The following NXPH1 variants were observed in gnomAD, a reference collection of about 807,000 sequenced individuals.
The protein encoded by NXPH1 is neurexophilin 1.
NXPH1 carries 5 observed loss-of-function variants against 23.7 expected under a neutral mutation model. That is an observed-to-expected ratio of 0.21 (90% CI 0.11 to 0.44). The LOEUF is 0.44. Ranked by LOEUF, NXPH1 falls within the 20% of genes least tolerant of loss-of-function variation. The pLI is 0.99. For missense variants in NXPH1, 324 were observed against 321.6 expected, an observed-to-expected ratio of 1.01 and a Z score of -0.06; for synonymous variants, 144 against 122.2, an observed-to-expected ratio of 1.18 and a Z score of -1.18.
chr7:8,645,429 T>C (rs1185269486), intron 2 of NXPH1, among the ~76,000 whole-genome samples: 2 of 152,118 alleles, frequency 1.3e-5, no homozygotes, highest in African/African-American at 4.8e-5. Flanking sequence ...GAACATCCTT[T>C]CATATGTTTA....
intron 2 of NXPH1, among the ~76,000 whole-genome samples, chr7:8,730,889 C>T (rs1780141017): frequency 6.6e-6 from 1 of 151,220 alleles, no homozygotes; most frequent in African/African-American, 2.4e-5. Flanking sequence ...CGTTGGCCTG[C>T]CTTGCTAGAT....
At chr7:8,706,484 T>A (rs769576177) in intron 2 of NXPH1, among the ~76,000 whole-genome samples, 1 of 152,182 alleles carries the variant, frequency 6.6e-6, no homozygotes, top group Non-Finnish European at 1.5e-5. Flanking sequence ...GGTACTTGAG[T>A]GATCCGTTTG....
chr7:8,695,218 G>GTTT (rs1562457131), intron 2 of NXPH1, among the ~76,000 whole-genome samples: 1 of 152,122 alleles, frequency 6.6e-6, no homozygotes, highest in Non-Finnish European at 1.5e-5. Context: ...AGGTCTTGGC[G>GTTT]GATGCTAGGT....
At chr7:8,702,519 A>G (rs1417328401) in intron 2 of NXPH1, among the ~76,000 whole-genome samples, 1 of 152,072 alleles carries the variant, frequency 6.6e-6, no homozygotes, top group East Asian at 1.9e-4. Flanking sequence ...GAACTATTAT[A>G]TATGTGCCTT....
chr7:8,634,833 G>A (rs752247346), intron 2 of NXPH1, among the ~76,000 whole-genome samples: 7 of 152,022 alleles, frequency 4.6e-5, no homozygotes, highest in Non-Finnish European at 7.4e-5. Flanking sequence ...CCAAATCTCT[G>A]ATAATTTCCC....
rs151016048 is a variant in NXPH1, at chr7:8,636,178, C to G, written c.55-114830C>G. Among the ~76,000 whole-genome samples the G allele has an allele frequency of 4.7e-3, 721 of 152,272 alleles. 8 individuals carry two copies. The highest frequency in any genetic ancestry group is 0.016 in the African/African-American group (680 of 41,558). ...TTTGTGCTTACATACTCAGGAGACT[C>G]TTTCACTCAATAGCCAAACTCCAGC... On this transcript the variant is annotated intron_variant, in intron 2 of 2. Coordinates refer to ENST00000405863, the MANE Select transcript of NXPH1 (RefSeq NM_152745.3).
chr7:8,654,392 G>A (rs995346815), intron 2 of NXPH1, among the ~76,000 whole-genome samples: 2 of 152,060 alleles, frequency 1.3e-5, no homozygotes, highest in Admixed American at 1.3e-4. Context: ...TTTGTAGAAG[G>A]CCACAAAGCA....
intron 2 of NXPH1, among the ~76,000 whole-genome samples, chr7:8,736,664 G>A (rs1192731261): frequency 6.6e-6 from 1 of 152,160 alleles, no homozygotes; most frequent in Non-Finnish European, 1.5e-5. Flanking sequence ...CCATAGCTGA[G>A]TTCAAGTCCT....
chr7:8,501,132 T>G (rs1038131601), intron 2 of NXPH1, among the ~76,000 whole-genome samples: 22 of 152,102 alleles, frequency 1.4e-4, no homozygotes, highest in African/African-American at 5.3e-4. Flanking sequence ...ATCTATCAGC[T>G]GTCACAGATA....
chr7:8,710,551 T>G (rs1363039743), intron 2 of NXPH1, among the ~76,000 whole-genome samples: 1 of 150,366 alleles, frequency 6.7e-6, no homozygotes, highest in Non-Finnish European at 1.5e-5. Context: ...GATAATCAAA[T>G]GACATTGAAG....
At chr7:8,463,721 G>T (rs1212153066) in intron 2 of NXPH1, among the ~76,000 whole-genome samples, 1 of 152,034 alleles carries the variant, frequency 6.6e-6, no homozygotes, top group East Asian at 1.9e-4. Context: ...CATTTATATT[G>T]CTTTGTTCTA....
intron 2 of NXPH1, among the ~76,000 whole-genome samples, chr7:8,577,688 C>T (rs1818779508): frequency 6.6e-6 from 1 of 152,202 alleles, no homozygotes; most frequent in African/African-American, 2.4e-5. Flanking sequence ...CCGCCTGATA[C>T]TGTGCCCTTG....
intron 2 of NXPH1, among the ~76,000 whole-genome samples, chr7:8,580,246 G>A (rs1194291455): frequency 2.0e-5 from 3 of 152,156 alleles, no homozygotes; most frequent in Non-Finnish European, 2.9e-5. Context: ...AAAGGATAAT[G>A]CTGATTGAAT....
chr7:8,552,114 C>CAAAAAAAAAAAAAAAA, intron 2 of NXPH1, among the ~76,000 whole-genome samples: 1 of 61,742 alleles, frequency 1.6e-5, no homozygotes, highest in Non-Finnish European at 3.3e-5. Flanking sequence ...GAAAAAAAAC[C>CAAAAAAAAAAAAAAAA]AAAAAAAAAA....
At chr7:8,726,782 G>A (rs1176946823) in intron 2 of NXPH1, among the ~76,000 whole-genome samples, 1 of 149,702 alleles carries the variant, frequency 6.7e-6, no homozygotes, top group East Asian at 2.0e-4. Context: ...TGTGAATAAT[G>A]CCGCAATAAA....
intron 2 of NXPH1, among the ~76,000 whole-genome samples, chr7:8,512,951 T>C (rs1280301411): frequency 6.6e-6 from 1 of 152,138 alleles, no homozygotes; most frequent in Non-Finnish European, 1.5e-5. Context: ...GATATATTAC[T>C]AGCAAGTAAT....
intron 2 of NXPH1, among the ~76,000 whole-genome samples, chr7:8,731,169 C>T (rs1179494293): frequency 5.3e-5 from 8 of 152,058 alleles, no homozygotes; most frequent in South Asian, 4.2e-4. Context: ...ATGTAGTTCT[C>T]GAGCCTTGGT....
At chr7:8,604,889 A>G (rs1359767864) in intron 2 of NXPH1, among the ~76,000 whole-genome samples, 1 of 152,130 alleles carries the variant, frequency 6.6e-6, no homozygotes, top group African/African-American at 2.4e-5. Context: ...TATTCATGTC[A>G]TAGAGGGGAT....
At chr7:8,496,171 G>A (rs1817334524) in intron 2 of NXPH1, among the ~76,000 whole-genome samples, 1 of 151,974 alleles carries the variant, frequency 6.6e-6, no homozygotes, top group Non-Finnish European at 1.5e-5. Context: ...AGAGTGCAAA[G>A]ATTATTACAA....
Sources: gnomAD v4.1 joint callset for allele counts (sites outside exome capture counted in the v4.1 genomes callset) on GRCh38, gnomAD v4.1.1 for gene constraint, MANE v1.5 for transcripts, NCBI Gene and HGNC (gene_info 2026-07-23, HGNC 2026-07-21) for gene names.